Variants in TXNL4A observed in about 807,000 individuals in gnomAD.
The protein encoded by TXNL4A is thioredoxin-like protein 4A.
In TXNL4A, 17 loss-of-function variants were observed where a neutral mutation model predicts 14.6. That is an observed-to-expected ratio of 1.16 (90% CI 0.80 to 1.74). The LOEUF is 1.74. Ranked by LOEUF, TXNL4A falls within the 40% of genes most tolerant of loss-of-function variation. TXNL4A has a pLI of 0.00. For synonymous variants in TXNL4A, 83 were observed against 70.6 expected (o/e 1.18, Z -0.88); for missense variants, 74 against 195.2 (o/e 0.38, Z 3.70).
chr18:80,015,007 C>T (rs1425239980), intron 1 of TXNL4A, among the ~76,000 whole-genome samples: 1 of 152,240 alleles, frequency 6.6e-6, no homozygotes, highest in African/African-American at 2.4e-5. Flanking sequence ...ATGTTGGCCC[C>T]TTTCTGCCAC....
intron 1 of TXNL4A, among the ~76,000 whole-genome samples, chr18:80,014,619 C>T (rs77704913): frequency 1.9e-3 from 289 of 152,260 alleles, no homozygotes; most frequent in East Asian, 9.1e-3. Flanking sequence ...CATGGGCTGG[C>T]GTTGAGTGTC....
intron 1 of TXNL4A, among the ~76,000 whole-genome samples, chr18:79,985,004 G>A (rs2051523491): frequency 6.6e-6 from 1 of 152,136 alleles, no homozygotes; most frequent in African/African-American, 2.4e-5. Context: ...TGTCTCCTGT[G>A]ACGGCGTTCC....
In TXNL4A at chr18:79,971,175, C is replaced by T. The variant is rs1344431482; in HGVS notation, c.*2510G>A. On this transcript the variant is annotated 3_prime_UTR_variant, in exon 3 of 3. Coordinates refer to ENST00000269601, the MANE Select transcript of TXNL4A (RefSeq NM_006701.5). ...TTCTGTTTATGACTGAATAATATTC[C>T]GTTCTATGGATGGACATTTTGTTTA... is the stretch of plus-strand genomic sequence containing the variant. The T allele has an allele frequency of 6.6e-6, 1 of 152,232 alleles. No individual in the cohort carries two copies. The highest frequency in any genetic ancestry group is 1.9e-4 in the East Asian group (1 of 5,206). The allele number at this position is 152,232 out of a possible 1,614,324, so 9.4% of individuals were successfully genotyped here.
rs1025524532 is a variant in TXNL4A at position 79,970,822 on chromosome 18, ATTATT to A, written c.*2858_*2862del. 2 of 208,794 alleles carry A rather than the reference ATTATT, an allele frequency of 9.6e-6. No individual in the cohort carries two copies. The highest frequency in any genetic ancestry group is 2.0e-5 in the Non-Finnish European group (2 of 101,936). 12.9% of individuals were successfully genotyped at this position (208,794 alleles called of 1,614,324 possible). A position where few individuals can be genotyped will look rare whatever the true frequency, so the allele number is the denominator to read the frequency against. On this transcript the variant is annotated 3_prime_UTR_variant, in exon 3 of 3. Transcript: ENST00000269601. ...AATAAACTTACAAATGTGGAATGTA[ATTATT>A]TTATCTTTTTCTGGTAACGCCAGTA...
intron 1 of TXNL4A, among the ~76,000 whole-genome samples, chr18:80,026,487 C>G (rs1285793258): frequency 6.6e-6 from 1 of 151,508 alleles, no homozygotes; most frequent in Admixed American, 6.6e-5. Flanking sequence ...TCTACCCTGA[C>G]AAAAAAAACT....
At chr18:80,010,800 C>A (rs1277245774) in intron 1 of TXNL4A, among the ~76,000 whole-genome samples, 2 of 152,204 alleles carry the variant, frequency 1.3e-5, no homozygotes, top group African/African-American at 2.4e-5. Context: ...TTTCCCCCCA[C>A]CCCAGGCTGC....
In TXNL4A at chr18:79,993,623, TTG is replaced by T. The variant is rs2051641944; in HGVS notation, c.-60-15924_-60-15923del. On this transcript the variant is annotated intron_variant, in intron 1 of 2. Transcript: ENST00000585474. The surrounding 1 kb of genome is among the most constrained non-coding windows in gnomAD (Gnocchi z 4.4). ...GTCTTGTTGGGTTGTGTGTGTTGGG[TTG>T]TGTGTGTGTTTCAGTCCTTTCAGCT... Among the ~76,000 whole-genome samples, 1 of 152,132 alleles carries T rather than the reference TTG, an allele frequency of 6.6e-6. No individual in the cohort carries two copies.
intron 1 of TXNL4A, among the ~76,000 whole-genome samples, chr18:79,996,063 CA>C (rs2051659085): frequency 7.4e-6 from 1 of 135,750 alleles, no homozygotes; most frequent in African/African-American, 2.7e-5. Flanking sequence ...CACATCGCGC[CA>C]CTGCACTCCA....
chr18:80,004,967 T>C (rs1258583385), intron 1 of TXNL4A, among the ~76,000 whole-genome samples: 4 of 152,132 alleles, frequency 2.6e-5, no homozygotes, highest in South Asian at 4.1e-4. Context: ...ACAGGATGAA[T>C]TGGCTAAAAA....
At chr18:80,003,954 C>T (rs1324598059) in intron 1 of TXNL4A, among the ~76,000 whole-genome samples, 2 of 152,126 alleles carry the variant, frequency 1.3e-5, no homozygotes, top group African/African-American at 2.4e-5. Context: ...CGGTCACCTC[C>T]GCTTGGTCCT....
intron 1 of TXNL4A, among the ~76,000 whole-genome samples, chr18:79,978,328 A>G (rs1175472161): frequency 3.9e-5 from 6 of 152,146 alleles, no homozygotes; most frequent in Non-Finnish European, 7.3e-5. Context: ...ATTTCCCCGC[A>G]ATTAGGTCTG....
chr18:80,013,030 G>C (rs1008357894), intron 1 of TXNL4A, among the ~76,000 whole-genome samples: 1 of 150,296 alleles, frequency 6.7e-6, no homozygotes, highest in East Asian at 1.9e-4. Flanking sequence ...CCCTCGCTGC[G>C]ATCTGTTGAA....
At chr18:80,031,935 T>C (rs1259812012) in intron 1 of TXNL4A, among the ~76,000 whole-genome samples, 1 of 152,262 alleles carries the variant, frequency 6.6e-6, no homozygotes, top group Middle Eastern at 3.2e-3. Flanking sequence ...CAATTTCTGA[T>C]CTGTCCTGTT....
chr18:79,988,481 C>T lies in TXNL4A; in HGVS notation c.-89G>A. On this transcript the variant is annotated 5_prime_UTR_variant, in exon 1 of 3. Coordinates refer to ENST00000269601, the MANE Select transcript of TXNL4A (RefSeq NM_006701.5). ...CAGCCGGCCCCTCACTCCCCGGCCC[C>T]CGCCGCCCCCGGGCCCACGGACGAA... The T allele has an allele frequency of 1.6e-6, 2 of 1,235,496 alleles. No individual in the cohort carries two copies. The highest frequency in any genetic ancestry group is 5.9e-5 in the South Asian group (2 of 34,064). 76.5% of individuals were successfully genotyped at this position (1,235,496 alleles called of 1,614,324 possible). A position where few individuals can be genotyped will look rare whatever the true frequency, so the allele number is the denominator to read the frequency against.
intron 1 of TXNL4A, among the ~76,000 whole-genome samples, chr18:80,013,839 C>T (rs531841938): frequency 5.9e-5 from 9 of 152,276 alleles, no homozygotes; most frequent in South Asian, 4.1e-4. Flanking sequence ...CTGATAAAGA[C>T]GTACCTGAAA....
chr18:80,012,941 C>T (rs945864233), intron 1 of TXNL4A, among the ~76,000 whole-genome samples: 2 of 151,864 alleles, frequency 1.3e-5, no homozygotes, highest in Non-Finnish European at 2.9e-5. Context: ...ACGCAACGCA[C>T]GTTCCTGGGG....
At chr18:79,986,969 T>G (rs1049935076) in intron 1 of TXNL4A, among the ~76,000 whole-genome samples, 2 of 152,192 alleles carry the variant, frequency 1.3e-5, no homozygotes, top group Admixed American at 1.3e-4. Flanking sequence ...GTGAGAGAAC[T>G]GCTGCTCTCC....
chr18:79,980,870 C>T (rs1025864557), intron 1 of TXNL4A, among the ~76,000 whole-genome samples: 46 of 152,224 alleles, frequency 3.0e-4, no homozygotes, highest in African/African-American at 9.9e-4. Flanking sequence ...GCTTTCAAAA[C>T]CCCAAAGTGA....
intron 1 of TXNL4A, among the ~76,000 whole-genome samples, chr18:80,025,092 T>C (rs2051875736): frequency 6.6e-6 from 1 of 152,158 alleles, no homozygotes; most frequent in African/African-American, 2.4e-5. Context: ...ATGACCTAAA[T>C]GGGGATCTTT....
Sources: allele counts gnomAD v4.1 joint callset (sites outside exome capture counted in the v4.1 genomes callset), GRCh38; gene constraint gnomAD v4.1.1; non-coding constraint Gnocchi (gnomAD v3.1); transcripts MANE v1.5; gene names NCBI Gene and HGNC (gene_info 2026-07-23, HGNC 2026-07-21).